CGNL1: variants seen among roughly 807,000 people sequenced by gnomAD.
CGNL1 encodes the protein cingulin-like protein 1.
A neutral mutation model predicts 141.2 loss-of-function variants in CGNL1; 132 were observed. The observed-to-expected ratio is 0.93, with a 90% CI of 0.81 to 1.08. The LOEUF is 1.08. Ranked by LOEUF, CGNL1 falls within the 50% of genes least tolerant of loss-of-function variation. The pLI is 0.00. For synonymous variants in CGNL1, 690 were observed against 622.1 expected (o/e 1.11, Z -1.63); for missense variants, 1,870 against 1,588.6 (o/e 1.18, Z -3.01).
At chr15:57,536,335 G>A (rs1480174606) in intron 14 of CGNL1, among the ~76,000 whole-genome samples, 1 of 152,178 alleles carries the variant, frequency 6.6e-6, no homozygotes, top group East Asian at 1.9e-4. Context: ...CCATATCACA[G>A]CCTTTCTAAG....
At position 57,549,601 on chromosome 15, in the gene CGNL1, C is replaced by A. The variant is rs1332265518; in HGVS notation, c.*2111C>A. ...CGATTCCTCCCTTTAGTCATTCATTCATTTAGCACATATTTATTGGGCATC... is the reference window on the plus strand; with the variant it reads ...CGATTCCTCCCTTTAGTCATTCATTAATTTAGCACATATTTATTGGGCATC... On this transcript the variant is annotated 3_prime_UTR_variant, in exon 19 of 19. Coordinates refer to ENST00000281282, the MANE Select transcript of CGNL1 (RefSeq NM_032866.5). 2 of 152,330 alleles carry A rather than the reference C, an allele frequency of 1.3e-5. No individual in the cohort carries two copies. The highest frequency in any genetic ancestry group is 3.9e-4 in the East Asian group (2 of 5,176). 9.4% of individuals were successfully genotyped at this position (152,330 alleles called of 1,614,324 possible).
intron 8 of CGNL1, among the ~76,000 whole-genome samples, chr15:57,490,454 AC>A (rs1217847746): frequency 1.3e-5 from 2 of 152,120 alleles, no homozygotes; most frequent in African/African-American, 4.8e-5. Flanking sequence ...GAGGTATGGC[AC>A]AGGGACACAG....
chr15:57,477,958 A>G (rs1233451890), intron 8 of CGNL1, among the ~76,000 whole-genome samples: 1 of 152,124 alleles, frequency 6.6e-6, no homozygotes, highest in Non-Finnish European at 1.5e-5. Context: ...TTAATAATTT[A>G]CTTTGCCCCT....
intron 14 of CGNL1, among the ~76,000 whole-genome samples, chr15:57,539,835 T>G (rs145792109): frequency 6.6e-6 from 1 of 152,220 alleles, no homozygotes; most frequent in Non-Finnish European, 1.5e-5. Flanking sequence ...TCACCTGTTC[T>G]GTGGCTTCCA....
At chr15:57,390,399 C>G (rs897657457) in intron 1 of CGNL1, among the ~76,000 whole-genome samples, 4 of 152,242 alleles carry the variant, frequency 2.6e-5, no homozygotes, top group African/African-American at 9.6e-5. Context: ...AGCCCACTGT[C>G]AGTTCTGCCA....
At chr15:57,406,415 G>A (rs2062724025) in intron 1 of CGNL1, among the ~76,000 whole-genome samples, 1 of 152,188 alleles carries the variant, frequency 6.6e-6, no homozygotes. Context: ...AGAGCATTCT[G>A]AACTTTACAG....
intron 1 of CGNL1, among the ~76,000 whole-genome samples, chr15:57,411,831 G>A (rs1026472196): frequency 2.6e-5 from 4 of 151,770 alleles, no homozygotes; most frequent in Non-Finnish European, 5.9e-5. Context: ...GCTGTATAGA[G>A]CTTCTTAATA....
At chr15:57,526,021 C>T (rs1389417411) in intron 12 of CGNL1, among the ~76,000 whole-genome samples, 2 of 152,282 alleles carry the variant, frequency 1.3e-5, no homozygotes, top group South Asian at 2.1e-4. Context: ...CTGAAAAGTA[C>T]TTCCCGTTGC....
intron 7 of CGNL1, among the ~76,000 whole-genome samples, chr15:57,456,774 A>T (rs2063384126): frequency 6.6e-6 from 1 of 152,174 alleles, no homozygotes; most frequent in South Asian, 2.1e-4. Flanking sequence ...GGGTTTTCTA[A>T]TTATCAAATG....
Position 57,478,016 on chromosome 15 carries a change from T to A in CGNL1, c.2403+16124T>A, listed in dbSNP as rs554008557. Among the ~76,000 whole-genome samples, 25 of 152,348 alleles carry A rather than the reference T, an allele frequency of 1.6e-4. No individual in the cohort carries two copies. The South Asian group carries it at 1.7e-3, about 10-fold the overall frequency. On this transcript the variant is annotated intron_variant, in intron 8 of 18. Coordinates refer to ENST00000281282, the MANE Select transcript of CGNL1 (RefSeq NM_032866.5). ...TGTCAAAACACTAGTAGAAATTAATTAGAGTCTGGCCTGTCATTTAACTAA... is the reference window on the plus strand; with the variant it reads ...TGTCAAAACACTAGTAGAAATTAATAAGAGTCTGGCCTGTCATTTAACTAA...
At chr15:57,393,387 C>G (rs1172357566) in intron 1 of CGNL1, among the ~76,000 whole-genome samples, 4 of 152,136 alleles carry the variant, frequency 2.6e-5, no homozygotes, top group African/African-American at 9.7e-5. Flanking sequence ...GCTTAGTAGG[C>G]CTCCTCTGCT....
intron 1 of CGNL1, among the ~76,000 whole-genome samples, chr15:57,417,857 G>GTCTA (rs776214277): frequency 2.1e-4 from 32 of 152,200 alleles, no homozygotes; most frequent in Non-Finnish European, 4.6e-4. Context: ...ATGGGAAAGG[G>GTCTA]TCTAGGGAGG....
intron 13 of CGNL1, among the ~76,000 whole-genome samples, chr15:57,530,491 G>A (rs1463176682): frequency 1.3e-5 from 2 of 152,182 alleles, no homozygotes; most frequent in Non-Finnish European, 2.9e-5. Flanking sequence ...TAATTTTCAA[G>A]ACTCAAGAGC....
intron 4 of CGNL1, among the ~76,000 whole-genome samples, chr15:57,447,677 TA>T (rs778383587): frequency 1.6e-4 from 25 of 152,164 alleles, no homozygotes; most frequent in Non-Finnish European, 3.2e-4. Flanking sequence ...AATTCTTGGC[TA>T]TTATTTATTT....
intron 8 of CGNL1, among the ~76,000 whole-genome samples, chr15:57,510,276 G>A (rs1485404720): frequency 3.3e-5 from 5 of 152,208 alleles, no homozygotes; most frequent in African/African-American, 1.2e-4. Context: ...TAATGTACTA[G>A]GTGGGCAACT....
chr15:57,530,132 C>G (rs775790182), intron 13 of CGNL1, among the ~76,000 whole-genome samples: 4 of 152,206 alleles, frequency 2.6e-5, no homozygotes, highest in Non-Finnish European at 4.4e-5. Flanking sequence ...TGGCCGGCAC[C>G]CTTAACACTC....
At chr15:57,386,230 G>A (rs2062481247) in intron 1 of CGNL1, among the ~76,000 whole-genome samples, 1 of 152,210 alleles carries the variant, frequency 6.6e-6, no homozygotes, top group South Asian at 2.1e-4. Flanking sequence ...CCCTGCAGAG[G>A]ACATTGGTGG....
At position 57,433,105 on chromosome 15, in the gene CGNL1, C is replaced by G. The variant is rs188036481; in HGVS notation, c.-15-4880C>G. On this transcript the variant is annotated intron_variant, in intron 1 of 18. Coordinates refer to ENST00000281282, the MANE Select transcript of CGNL1 (RefSeq NM_032866.5). ...ATAACCCCATTTAGTAAATACCACACACAAAAAATTTCTTCTGTTTAAAAA... is the reference window on the plus strand; with the variant it reads ...ATAACCCCATTTAGTAAATACCACAGACAAAAAATTTCTTCTGTTTAAAAA... 1.2e-4 allele frequency among the ~76,000 whole-genome samples: 18 copies of G among 152,274 alleles called. No individual in the cohort carries two copies. The East Asian group carries it at 2.7e-3, about 23-fold the overall frequency.
intron 1 of CGNL1, among the ~76,000 whole-genome samples, chr15:57,411,746 G>C (rs1399512033): frequency 6.6e-6 from 1 of 151,740 alleles, no homozygotes; most frequent in East Asian, 1.9e-4. Context: ...ACCTGGCCCA[G>C]ATCTCACTAG....
Sources: gnomAD v4.1 joint callset for allele counts (sites outside exome capture counted in the v4.1 genomes callset) on GRCh38, gnomAD v4.1.1 for gene constraint, MANE v1.5 for transcripts, NCBI Gene and HGNC (gene_info 2026-07-23, HGNC 2026-07-21) for gene names.